Variants in WHRN observed in about 807,000 individuals in gnomAD.
WHRN encodes the protein CASK-interacting protein CIP98.
Under a neutral mutation model 68.3 loss-of-function variants are expected in WHRN, and 41 were observed. That is an observed-to-expected ratio of 0.60 (90% confidence interval 0.47 to 0.78). The LOEUF (loss-of-function observed/expected upper bound fraction) is 0.78. WHRN is among the 30% of genes least tolerant of loss of function. The pLI is 0.00. For missense variants in WHRN, 1,243 were observed against 1,244.7 expected (o/e 1.00, Z 0.02); for synonymous variants, 560 against 561.3 (o/e 1.00, Z 0.03).
intron 2 of WHRN, among the ~76,000 whole-genome samples, chr9:114,467,740 G>T (rs768803341): frequency 6.6e-6 from 1 of 152,096 alleles, no homozygotes; most frequent in Admixed American, 6.5e-5. Flanking sequence ...GTGTGTCTCC[G>T]GTATGAAAGA....
chr9:114,434,986 G>C (rs1837723574), intron 3 of WHRN, among the ~76,000 whole-genome samples: 1 of 152,020 alleles, frequency 6.6e-6, no homozygotes, highest in Non-Finnish European at 1.5e-5. Flanking sequence ...CCAGACCTTG[G>C]AGACCAGACC....
intron 1 of WHRN, among the ~76,000 whole-genome samples, chr9:114,487,650 T>C (rs1254240135): frequency 2.6e-5 from 4 of 152,156 alleles, no homozygotes; most frequent in African/African-American, 9.6e-5. Flanking sequence ...TTCCCTAAAC[T>C]AGAGAAAAAT....
Position 114,426,362 on chromosome 9 carries a change from G to T in WHRN, c.1015C>A (p.His339Asn), listed in dbSNP as rs746526842. 2.5e-6 allele frequency: 4 copies of T among 1,614,124 alleles called. No individual in the cohort carries two copies. Residue 339 changes from histidine to asparagine, a missense_variant, in exon 4 of 12, where the codon CAC becomes AAC. Coordinates refer to ENST00000362057, the MANE Select transcript of WHRN (RefSeq NM_015404.4). ...VNGRSFLNILHDEAVRLLKSS... is the reference protein window; with the variant it reads ...VNGRSFLNILNDEAVRLLKSS... The stretch of plus-strand genomic sequence containing the variant: ...TTAAGCAGCCTGACAGCCTCGTCGT[G>T]TAGGATGTTGAGAAAGCTCCGCCCA...
Position 114,504,300 on chromosome 9 carries a change from C to A in WHRN, c.502G>T (p.Val168Leu), listed in dbSNP as rs1844196487. The A allele has an allele frequency of 2.5e-6, 4 of 1,613,422 alleles. No individual in the cohort carries two copies. Among genetic ancestry groups the A allele is most frequent in the Non-Finnish European group, 3.4e-6 (4 of 1,180,054 alleles). ...GGSEHGVGIY[V>L]SLVEPGSLAE... The stretch of plus-strand genomic sequence containing the variant: ...AGAGAGCCTGGTTCCACCAGAGACA[C>A]GTAGATGCCCACGCCGTGCTCCGAG... Residue 168 changes from valine to leucine, a missense_variant, in exon 1 of 12, where the codon GTG (valine) becomes TTG (leucine). Physicochemically the swap from Val to Leu is conservative, Grantham distance 32. Transcript: ENST00000362057.
chr9:114,495,252 G>T (rs1203867371), intron 1 of WHRN, among the ~76,000 whole-genome samples: 1 of 152,240 alleles, frequency 6.6e-6, no homozygotes, highest in Non-Finnish European at 1.5e-5. Flanking sequence ...AGCTTGATGA[G>T]ATATGTATTT....
intron 2 of WHRN, among the ~76,000 whole-genome samples, chr9:114,471,569 AAAGAATTGTGCAAC>A (rs1841224021): frequency 6.6e-6 from 1 of 152,178 alleles, no homozygotes; most frequent in Non-Finnish European, 1.5e-5. Context: ...CAGTCTATAA[AAAGAATTGTGCAAC>A]CTGCCGGGGG....
intron 1 of WHRN, among the ~76,000 whole-genome samples, chr9:114,500,279 G>T (rs1589279546): frequency 6.6e-6 from 1 of 152,144 alleles, no homozygotes; most frequent in African/African-American, 2.4e-5. Context: ...ATGGTGCCAC[G>T]GTTTCCAAAC....
intron 2 of WHRN, among the ~76,000 whole-genome samples, chr9:114,478,008 G>A (rs1299895340): frequency 6.6e-6 from 1 of 152,148 alleles, no homozygotes; most frequent in Admixed American, 6.5e-5. Flanking sequence ...GCAAGACCCT[G>A]GGGGATGGAA....
intron 3 of WHRN, among the ~76,000 whole-genome samples, chr9:114,460,923 T>C (rs1039703592): frequency 3.3e-5 from 5 of 152,230 alleles, no homozygotes; most frequent in Admixed American, 6.5e-5. Flanking sequence ...TGAAAGTGCA[T>C]TGGCAATAAA....
intron 1 of WHRN, among the ~76,000 whole-genome samples, chr9:114,492,714 G>A (rs928072128): frequency 2.6e-5 from 4 of 152,170 alleles, no homozygotes; most frequent in African/African-American, 9.7e-5. Context: ...GGCTCAGCGT[G>A]GTGACTCACA....
At chr9:114,455,625 G>T (rs1298753425) in intron 3 of WHRN, among the ~76,000 whole-genome samples, 2 of 150,608 alleles carry the variant, frequency 1.3e-5, no homozygotes, top group East Asian at 2.0e-4. Context: ...GAGGTGAGAG[G>T]ATCACTTGAG....
rs1419000887 is a variant in WHRN, at chr9:114,423,456, A to G, written c.1484T>C (p.Val495Ala). The G allele has an allele frequency of 7.4e-6, 12 of 1,613,956 alleles. No individual in the cohort carries two copies. The highest frequency in any genetic ancestry group is 1.0e-5 in the Non-Finnish European group (12 of 1,179,982). Residue 495 changes from valine (V) to alanine (A), a missense_variant, in exon 7 of 12, where the codon GTG becomes GCG. By Grantham distance (64) the Val-to-Ala change is moderately conservative. Coordinates refer to ENST00000362057, the MANE Select transcript of WHRN (RefSeq NM_015404.4). ...PQDLERFDHL[V>A]LRREIESMKA... ...CATGGACTCAATCTCACGCCTCAGC[A>G]CCAGGTGGTCGAAGCGTTCTAGGTC...
intron 3 of WHRN, among the ~76,000 whole-genome samples, chr9:114,434,207 T>A (rs1355777447): frequency 6.6e-6 from 1 of 152,148 alleles, no homozygotes; most frequent in Non-Finnish European, 1.5e-5. Flanking sequence ...AGGCACCGCC[T>A]GAGACATGGA....
intron 3 of WHRN, among the ~76,000 whole-genome samples, chr9:114,439,018 G>C (rs1838136439): frequency 6.6e-6 from 1 of 152,144 alleles, no homozygotes; most frequent in Non-Finnish European, 1.5e-5. Flanking sequence ...AAGTGCAAAA[G>C]AGTATCTATA....
At chr9:114,433,916 T>C (rs1174413485) in intron 3 of WHRN, among the ~76,000 whole-genome samples, 1 of 152,182 alleles carries the variant, frequency 6.6e-6, no homozygotes, top group Non-Finnish European at 1.5e-5. Flanking sequence ...CATTGGCAGA[T>C]CCGTTGTTAG....
chr9:114,504,084 C>G (rs1056689198), intron 1 of WHRN, 100 bp downstream of exon 1: 2 of 1,564,382 alleles, frequency 1.3e-6, no homozygotes, highest in Non-Finnish European at 1.7e-6. Context: ...CCCAGAAAGG[C>G]CAAGTGATTC....
At chr9:114,498,959 A>G (rs1206279986) in intron 1 of WHRN, among the ~76,000 whole-genome samples, 1 of 152,190 alleles carries the variant, frequency 6.6e-6, no homozygotes, top group Non-Finnish European at 1.5e-5. Flanking sequence ...CTTCCAATAA[A>G]GTAAAGTGCA....
At chr9:114,454,946 C>G (rs1221474696) in intron 3 of WHRN, among the ~76,000 whole-genome samples, 3 of 152,148 alleles carry the variant, frequency 2.0e-5, no homozygotes, top group Non-Finnish European at 4.4e-5. Context: ...AGAGCAAAGG[C>G]AATTCACTGG....
chr9:114,479,143 A>T (rs1348524867), intron 1 of WHRN, among the ~76,000 whole-genome samples: 1 of 152,172 alleles, frequency 6.6e-6, no homozygotes, highest in Non-Finnish European at 1.5e-5. Flanking sequence ...AATGCGGCTC[A>T]TGTGCTTAGA....
Sources: gnomAD v4.1 joint callset for allele counts (sites outside exome capture counted in the v4.1 genomes callset) on GRCh38, gnomAD v4.1.1 for gene constraint, MANE v1.5 for transcripts, NCBI Gene and HGNC (gene_info 2026-07-23, HGNC 2026-07-21) for gene names.